Variants in SYTL5 observed in about 807,000 individuals in gnomAD.
SYTL5 encodes synaptotagmin like 5.
Under a neutral mutation model 55.9 loss-of-function variants are expected in SYTL5, and 34 were observed. The ratio of observed to expected loss-of-function variants is 0.61; its 90% CI spans 0.46 to 0.81. The LOEUF is 0.81. Ranked by LOEUF, SYTL5 falls within the 30% of genes least tolerant of loss-of-function variation. The pLI is 0.00. For synonymous variants in SYTL5, 221 were observed against 188.7 expected (o/e 1.17, Z -1.40); for missense variants, 637 against 546.7 (o/e 1.17, Z -1.65).
chrX:37,967,590 A>G, the SYTL5 span, among the ~76,000 whole-genome samples: 4 of 111,342 alleles, frequency 3.6e-5, no homozygotes, highest in African/African-American at 9.8e-5. Context: ...CTGGATGTCC[A>G]TTCCCTTTCC....
At chrX:37,986,173 C>G in the SYTL5 span, among the ~76,000 whole-genome samples, 2,598 of 109,937 alleles carry the variant, frequency 0.024, 73 homozygotes, top group African/African-American at 0.081. Flanking sequence ...TTATTTTTAT[C>G]AAAATAAAAA....
intron 3 of SYTL5, among the ~76,000 whole-genome samples, chrX:38,067,135 C>T (rs1936120116): frequency 8.9e-6 from 1 of 111,733 alleles, no homozygotes; most frequent in Non-Finnish European, 1.9e-5. Flanking sequence ...GACTCAAGTG[C>T]ATTATCTGAG....
At chrX:38,047,702 T>C (rs1203071281) in intron 2 of SYTL5, among the ~76,000 whole-genome samples, 5 of 112,592 alleles carry the variant, frequency 4.4e-5, no homozygotes, top group African/African-American at 1.6e-4. Flanking sequence ...TTTTCTTTTC[T>C]ATCGCATCGT....
chrX:38,110,893 T>C (rs886486130), intron 13 of SYTL5, among the ~76,000 whole-genome samples: 2 of 111,919 alleles, frequency 1.8e-5, no homozygotes, highest in Admixed American at 9.4e-5. Context: ...GGAGTGATCT[T>C]GCCTTTGCTT....
At chrX:38,053,740 C>CTG (rs1278952382) in intron 2 of SYTL5, among the ~76,000 whole-genome samples, 1 of 111,988 alleles carries the variant, frequency 8.9e-6, no homozygotes, top group Non-Finnish European at 1.9e-5. Flanking sequence ...GAACCAGGTA[C>CTG]TGTGTATGCC....
At chrX:38,005,775 T>A (rs1933972717), upstream of SYTL5, among the ~76,000 whole-genome samples, 1 of 111,876 alleles carries the variant, frequency 8.9e-6, no homozygotes, top group Non-Finnish European at 1.9e-5. Flanking sequence ...ACTCTCTTGG[T>A]ACTTCAAGCT....
the SYTL5 span, among the ~76,000 whole-genome samples, chrX:37,895,120 A>G: frequency 8.9e-6 from 1 of 112,069 alleles, no homozygotes; most frequent in African/African-American, 3.2e-5. Context: ...GAGAATCCCG[A>G]CAGAGCTGTA....
the SYTL5 span, among the ~76,000 whole-genome samples, chrX:37,986,774 T>C: frequency 8.9e-6 from 1 of 111,965 alleles, no homozygotes. Context: ...ACTAAGGTAG[T>C]GATGAAGCTT....
the SYTL5 span, among the ~76,000 whole-genome samples, chrX:37,950,513 C>T: frequency 2.7e-5 from 3 of 110,834 alleles, no homozygotes; most frequent in East Asian, 2.8e-4. Context: ...TTTACTTTTC[C>T]GAAGGTTTGA....
At chrX:37,893,740 T>C in the SYTL5 span, among the ~76,000 whole-genome samples, 1 of 91,503 alleles carries the variant, frequency 1.1e-5, no homozygotes, top group Non-Finnish European at 2.1e-5. Context: ...AATCTATAGA[T>C]AAACTATAGA....
the SYTL5 span, among the ~76,000 whole-genome samples, chrX:37,985,987 T>C: frequency 6.3e-5 from 7 of 111,117 alleles, no homozygotes; most frequent in Non-Finnish European, 7.6e-5. Flanking sequence ...ACCCTTACCT[T>C]AGACTATATA....
intron 1 of SYTL5, among the ~76,000 whole-genome samples, chrX:38,029,650 T>C (rs1262682575): frequency 8.9e-6 from 1 of 111,947 alleles, no homozygotes; most frequent in Non-Finnish European, 1.9e-5. Flanking sequence ...TTTATGACCT[T>C]AAAGCATTTA....
the SYTL5 span, chrX:37,946,516 A>G: frequency 1.4e-5 from 3 of 218,055 alleles, no homozygotes; most frequent in Non-Finnish European, 2.6e-5. Flanking sequence ...TTGTGTTACC[A>G]TGTAATTAAT....
chrX:38,037,753 G>T (rs1407829732), intron 2 of SYTL5, among the ~76,000 whole-genome samples: 1 of 110,588 alleles, frequency 9.0e-6, no homozygotes, highest in Non-Finnish European at 1.9e-5. Context: ...AGCGCAGTGG[G>T]TCTGCATGGC....
At chrX:38,020,408 CATATATAT>C (rs59575156) in intron 1 of SYTL5, among the ~76,000 whole-genome samples, 13,231 of 58,444 alleles carry the variant, frequency 0.23, 1,156 homozygotes, top group East Asian at 0.38. Context: ...TATGTGTGTG[CATATATAT>C]ATATATATAT....
At chrX:38,064,673 T>C (rs1403948529) in intron 3 of SYTL5, among the ~76,000 whole-genome samples, 1 of 111,594 alleles carries the variant, frequency 9.0e-6, no homozygotes, top group Non-Finnish European at 1.9e-5. Flanking sequence ...TACATGTTTT[T>C]CCAACATTTG....
At chrX:38,004,603 T>C (rs765236993), upstream of SYTL5, among the ~76,000 whole-genome samples, 2 of 111,766 alleles carry the variant, frequency 1.8e-5, no homozygotes, top group South Asian at 3.7e-4. Context: ...TAAAGAAGAA[T>C]GAGATTCTGT....
At position 38,062,719 on chromosome X, in the gene SYTL5, T is replaced by A. The variant is rs140766126; in HGVS notation, c.329+8297T>A. Among the ~76,000 whole-genome samples, 58 of 111,735 alleles carry A rather than the reference T, an allele frequency of 5.2e-4. No individual in the cohort carries two copies. In the East Asian group the frequency reaches 0.015, roughly 29 times the overall value. On this transcript the variant is annotated intron_variant, in intron 3 of 16. Transcript: ENST00000297875. ...CTCAGGGTACCAGAATCCCACAAGA[T>A]CATTCTACAACAATAATAAAGTAAA...
the SYTL5 span, among the ~76,000 whole-genome samples, chrX:37,979,283 G>C: frequency 9.1e-6 from 1 of 109,362 alleles, no homozygotes; most frequent in Non-Finnish European, 1.9e-5. Context: ...CATGTTGCAA[G>C]AGAAAAGGAG....
Sources: gnomAD v4.1 joint callset for allele counts (sites outside exome capture counted in the v4.1 genomes callset) on GRCh38, gnomAD v4.1.1 for gene constraint, MANE v1.5 for transcripts, NCBI Gene and HGNC (gene_info 2026-07-23, HGNC 2026-07-21) for gene names.